CCSER1: variants seen among roughly 807,000 people sequenced by gnomAD.
CCSER1 encodes the protein serine-rich coiled-coil domain-containing protein 1.
A neutral mutation model predicts 82.0 loss-of-function variants in CCSER1; 41 were observed. The ratio of observed to expected loss-of-function variants is 0.50; its 90% CI spans 0.39 to 0.65. CCSER1 has a LOEUF of 0.65. Among genes scored for constraint, CCSER1 ranks in the 30% least tolerant of loss-of-function variants. CCSER1 has a pLI of 0.00. For missense variants in CCSER1, 1,119 were observed against 1,064.2 expected (o/e 1.05, Z -0.72); for synonymous variants, 414 against 383.9 (o/e 1.08, Z -0.92).
chr4:90,137,997 A>G (rs1372572341), intron 1 of CCSER1, among the ~76,000 whole-genome samples: 3 of 152,194 alleles, frequency 2.0e-5, no homozygotes, highest in East Asian at 3.8e-4. Flanking sequence ...TCAAATCTCC[A>G]TTGAAAGTAT....
intron 6 of CCSER1, among the ~76,000 whole-genome samples, chr4:90,697,298 A>C (rs1183337385): frequency 6.6e-6 from 1 of 152,180 alleles, no homozygotes; most frequent in Non-Finnish European, 1.5e-5. Context: ...AAGTTTCAGA[A>C]GCCTGCGCAA....
At chr4:91,308,113 C>T (rs1267753492) in intron 10 of CCSER1, among the ~76,000 whole-genome samples, 1 of 151,986 alleles carries the variant, frequency 6.6e-6, no homozygotes, top group Admixed American at 6.6e-5. Context: ...AAAAAGGCAT[C>T]TTCTTTGGAT....
chr4:91,466,104 A>G (rs1367720366), intron 10 of CCSER1, among the ~76,000 whole-genome samples: 1 of 152,214 alleles, frequency 6.6e-6, no homozygotes, highest in Non-Finnish European at 1.5e-5. Flanking sequence ...AAAATCCTCA[A>G]TAAAATACTG....
intron 7 of CCSER1, among the ~76,000 whole-genome samples, chr4:90,758,024 C>T (rs1000728170): frequency 6.6e-6 from 1 of 151,510 alleles, no homozygotes; most frequent in Non-Finnish European, 1.5e-5. Context: ...ACTCAACCTC[C>T]ACCTCCCAAG....
chr4:90,871,688 A>G (rs1164048394), intron 8 of CCSER1, among the ~76,000 whole-genome samples: 5 of 151,806 alleles, frequency 3.3e-5, no homozygotes, highest in Admixed American at 6.6e-5. Flanking sequence ...CATTTGGTCT[A>G]TAGTCCAGAT....
intron 9 of CCSER1, among the ~76,000 whole-genome samples, chr4:91,000,224 A>AG (rs1271319141): frequency 0.061 from 222 of 3,638 alleles, no homozygotes; most frequent in African/African-American, 0.11. Flanking sequence ...GTATAGGTAT[A>AG]GTATAGTATA....
chr4:90,546,253 G>A (rs1304871001), intron 5 of CCSER1, among the ~76,000 whole-genome samples: 1 of 152,034 alleles, frequency 6.6e-6, no homozygotes, highest in African/African-American at 2.4e-5. Flanking sequence ...AATCTACCTG[G>A]GAAGAGTAAG....
intron 10 of CCSER1, among the ~76,000 whole-genome samples, chr4:91,469,085 C>A (rs963574886): frequency 6.6e-6 from 1 of 152,178 alleles, no homozygotes; most frequent in Non-Finnish European, 1.5e-5. Flanking sequence ...ATGAAAGATT[C>A]GATGCAGATT....
At chr4:91,418,681 A>C (rs1753521139) in intron 10 of CCSER1, among the ~76,000 whole-genome samples, 1 of 152,044 alleles carries the variant, frequency 6.6e-6, no homozygotes, top group African/African-American at 2.4e-5. Context: ...AAACTTTCCA[A>C]AAAATTAAAG....
intron 10 of CCSER1, among the ~76,000 whole-genome samples, chr4:91,552,257 A>G (rs1232680551): frequency 6.6e-6 from 1 of 151,706 alleles, no homozygotes; most frequent in African/African-American, 2.4e-5. Flanking sequence ...GATAAATGTA[A>G]TGAATAATTA....
chr4:91,534,045 T>C (rs919262764), intron 10 of CCSER1, among the ~76,000 whole-genome samples: 2 of 152,062 alleles, frequency 1.3e-5, no homozygotes, highest in African/African-American at 4.8e-5. Context: ...TTCAAAATCC[T>C]CTGGCAACTG....
chr4:91,389,282 T>A (rs1177098969), intron 10 of CCSER1, among the ~76,000 whole-genome samples: 1 of 152,018 alleles, frequency 6.6e-6, no homozygotes, highest in Non-Finnish European at 1.5e-5. Flanking sequence ...TTTTGTTTTG[T>A]TTTTTGCATG....
intron 1 of CCSER1, among the ~76,000 whole-genome samples, chr4:90,137,589 G>A (rs1211038431): frequency 6.6e-6 from 1 of 152,138 alleles, no homozygotes; most frequent in Non-Finnish European, 1.5e-5. Flanking sequence ...GCCTGGTTCA[G>A]GAAATAAATG....
chr4:91,403,771 T>G (rs544892544), intron 10 of CCSER1, among the ~76,000 whole-genome samples: 32 of 152,198 alleles, frequency 2.1e-4, no homozygotes, highest in Non-Finnish European at 4.0e-4. Flanking sequence ...GATAAGCTTT[T>G]TGATGGGCTG....
At chr4:90,638,787 G>T (rs1320363860) in intron 6 of CCSER1, among the ~76,000 whole-genome samples, 1 of 152,108 alleles carries the variant, frequency 6.6e-6, no homozygotes, top group Non-Finnish European at 1.5e-5. Context: ...AGAAGGTGGA[G>T]AAAAAGTCTT....
At chr4:90,796,259 A>AT (rs1396339296) in intron 7 of CCSER1, among the ~76,000 whole-genome samples, 1 of 148,902 alleles carries the variant, frequency 6.7e-6, no homozygotes, top group Non-Finnish European at 1.5e-5. Flanking sequence ...TTTTTTCTAG[A>AT]TTTTCTAGTT....
intron 5 of CCSER1, among the ~76,000 whole-genome samples, chr4:90,557,720 G>A (rs1421884573): frequency 6.6e-6 from 1 of 152,052 alleles, no homozygotes; most frequent in African/African-American, 2.4e-5. Context: ...TGGAAGGACA[G>A]TCTAGCAAAC....
intron 1 of CCSER1, among the ~76,000 whole-genome samples, chr4:90,262,867 C>G (rs1724581082): frequency 6.6e-6 from 1 of 152,158 alleles, no homozygotes; most frequent in African/African-American, 2.4e-5. Flanking sequence ...AATTATGACT[C>G]TGCCACTCAT....
chr4:90,135,760 A>G (rs1001937656), intron 1 of CCSER1, among the ~76,000 whole-genome samples: 4 of 152,240 alleles, frequency 2.6e-5, no homozygotes, highest in African/African-American at 2.4e-5. Context: ...GTCATGCATC[A>G]TCATTGACAA....
Sources: allele counts gnomAD v4.1 joint callset (sites outside exome capture counted in the v4.1 genomes callset), GRCh38; gene constraint gnomAD v4.1.1; transcripts MANE v1.5; gene names NCBI Gene and HGNC (gene_info 2026-07-23, HGNC 2026-07-21).